RNGTT: variants seen among roughly 807,000 people sequenced by gnomAD.
RNGTT encodes the protein RNA guanylyltransferase and 5'-phosphatase.
A neutral mutation model predicts 79.3 loss-of-function variants in RNGTT; 33 were observed. The ratio of observed to expected loss-of-function variants is 0.42; its 90% confidence interval spans 0.32 to 0.56. The LOEUF (loss-of-function observed/expected upper bound fraction) is 0.56. RNGTT is among the 20% of genes least tolerant of loss of function. The pLI is 0.17. For synonymous variants in RNGTT, 222 were observed against 235.9 expected (o/e 0.94, Z 0.54); for missense variants, 497 against 739.1 (o/e 0.67, Z 3.80).
At chr6:88,714,751 T>G (rs1336572275) in intron 13 of RNGTT, among the ~76,000 whole-genome samples, 1 of 151,982 alleles carries the variant, frequency 6.6e-6, no homozygotes, top group African/African-American at 2.4e-5. Flanking sequence ...CTAAAAGTAC[T>G]TTTTAAAAGT....
intron 8 of RNGTT, among the ~76,000 whole-genome samples, chr6:88,886,879 A>C (rs1053781234): frequency 6.6e-6 from 1 of 151,982 alleles, no homozygotes; most frequent in African/African-American, 2.4e-5. Flanking sequence ...AATATTCCCT[A>C]TTCTACAATG....
At chr6:88,831,020 C>T (rs1306410412) in intron 11 of RNGTT, among the ~76,000 whole-genome samples, 2 of 152,142 alleles carry the variant, frequency 1.3e-5, no homozygotes, top group Non-Finnish European at 2.9e-5. Flanking sequence ...CAAAGAGGAG[C>T]TGGTACCATT....
intron 13 of RNGTT, among the ~76,000 whole-genome samples, chr6:88,710,790 A>C (rs915337532): frequency 6.6e-6 from 1 of 152,210 alleles, no homozygotes; most frequent in East Asian, 1.9e-4. Context: ...GTAAGAAAAA[A>C]ATTATATAGC....
At chr6:88,931,730 T>A (rs1293259867) in intron 2 of RNGTT, among the ~76,000 whole-genome samples, 2 of 152,166 alleles carry the variant, frequency 1.3e-5, no homozygotes, top group Non-Finnish European at 2.9e-5. Context: ...AGTCAACCAT[T>A]GTTGCGGGAA....
rs564813641 is a variant in RNGTT, at chr6:88,783,739, C to T, written c.1339-13865G>A. On this transcript the variant is annotated intron_variant, in intron 12 of 15. Transcript: ENST00000369485. ...ACTACTGACATTGGGGCAGTTGACT[C>T]TTTGTTGTGGGGGCTGTTCCGTGCA... Among the ~76,000 whole-genome samples the T allele has an allele frequency of 3.3e-5, 5 of 151,598 alleles. No homozygotes were observed. In the South Asian group the frequency reaches 1.1e-3, roughly 32 times the overall value.
At chr6:88,858,071 CTCT>C (rs748435740) in intron 8 of RNGTT, among the ~76,000 whole-genome samples, 3 of 152,044 alleles carry the variant, frequency 2.0e-5, no homozygotes, top group Non-Finnish European at 4.4e-5. Context: ...ACAGATATTC[CTCT>C]TCTTCTGTCA....
intron 13 of RNGTT, among the ~76,000 whole-genome samples, chr6:88,744,239 C>T (rs2127826883): frequency 6.6e-6 from 1 of 151,962 alleles, no homozygotes. Context: ...GTTCTTATTA[C>T]TCCTTTTTAT....
chr6:88,749,526 AG>A (rs1777774739), intron 13 of RNGTT, among the ~76,000 whole-genome samples: 2 of 152,188 alleles, frequency 1.3e-5, no homozygotes, highest in Admixed American at 1.3e-4. Flanking sequence ...GGAAAAGTAT[AG>A]AAAAAGTAGG....
chr6:88,635,055 T>C (rs1390185196), intron 14 of RNGTT, among the ~76,000 whole-genome samples: 1 of 152,054 alleles, frequency 6.6e-6, no homozygotes, highest in Non-Finnish European at 1.5e-5. Flanking sequence ...ATTTGAGTAG[T>C]GGTTTGCTAG....
chr6:88,725,130 G>A (rs1005698259), intron 13 of RNGTT, among the ~76,000 whole-genome samples: 1 of 152,208 alleles, frequency 6.6e-6, no homozygotes, highest in African/African-American at 2.4e-5. Flanking sequence ...CAATTCCGGG[G>A]CTGGCCGGGG....
intron 14 of RNGTT, among the ~76,000 whole-genome samples, chr6:88,625,463 TGAA>T (rs1772592295): frequency 6.6e-6 from 1 of 151,982 alleles, no homozygotes. Flanking sequence ...TGAGCTGAAC[TGAA>T]GAAGCTTGAC....
intron 13 of RNGTT, among the ~76,000 whole-genome samples, chr6:88,739,725 TTATATATATATATATA>T (rs367967175): frequency 0.026 from 2,413 of 93,910 alleles, 65 homozygotes; most frequent in African/African-American, 0.03. Flanking sequence ...GTGAAAAAAA[TTATATATATATATATA>T]TATATATATA....
chr6:88,781,494 T>G (rs1282397164), intron 12 of RNGTT, among the ~76,000 whole-genome samples: 1 of 150,856 alleles, frequency 6.6e-6, no homozygotes, highest in African/African-American at 2.5e-5. Flanking sequence ...ACAGTAATGC[T>G]ACTAGAGACA....
At chr6:88,878,316 C>T (rs1276613645) in intron 8 of RNGTT, among the ~76,000 whole-genome samples, 1 of 151,956 alleles carries the variant, frequency 6.6e-6, no homozygotes, top group Admixed American at 6.6e-5. Context: ...AGGCTGGTCT[C>T]GAACTCCTGA....
intron 6 of RNGTT, among the ~76,000 whole-genome samples, chr6:88,895,220 G>C (rs976590812): frequency 1.4e-5 from 2 of 138,136 alleles, no homozygotes; most frequent in African/African-American, 5.7e-5. Flanking sequence ...ATTTATGTGA[G>C]AGAGAGCTCT....
chr6:88,928,542 G>T (rs1160567096), intron 4 of RNGTT, among the ~76,000 whole-genome samples: 2 of 152,058 alleles, frequency 1.3e-5, no homozygotes, highest in Non-Finnish European at 2.9e-5. Context: ...TCTGATGAAG[G>T]AATTGTGCAT....
intron 14 of RNGTT, among the ~76,000 whole-genome samples, chr6:88,649,842 GT>G (rs1562170845): frequency 6.6e-6 from 1 of 152,220 alleles, no homozygotes; most frequent in African/African-American, 2.4e-5. Flanking sequence ...AGAGGTGGAT[GT>G]TAACTGTCCT....
chr6:88,714,103 T>C (rs1409193776), intron 13 of RNGTT: 1 of 152,174 alleles, frequency 6.6e-6, no homozygotes, highest in African/African-American at 2.4e-5. Flanking sequence ...AAAATGGAAA[T>C]AACTGTCTTA....
At chr6:88,661,704 C>T (rs1233088329) in intron 14 of RNGTT, among the ~76,000 whole-genome samples, 2 of 152,110 alleles carry the variant, frequency 1.3e-5, no homozygotes, top group Non-Finnish European at 2.9e-5. Context: ...CAAAAAAAGT[C>T]CAGGACCAGA....
Sources: gnomAD v4.1 joint callset for allele counts (sites outside exome capture counted in the v4.1 genomes callset) on GRCh38, gnomAD v4.1.1 for gene constraint, MANE v1.5 for transcripts, NCBI Gene and HGNC (gene_info 2026-07-23, HGNC 2026-07-21) for gene names.